Variants in ERCC6L observed in about 807,000 individuals in gnomAD.
ERCC6L encodes the protein ERCC excision repair 6 like, spindle assembly checkpoint helicase, also known as DNA excision repair protein ERCC-6-like.
In ERCC6L, 7 loss-of-function variants were observed where a neutral mutation model predicts 20.1. The ratio of observed to expected loss-of-function variants is 0.35; its 90% CI spans 0.20 to 0.65. ERCC6L has a LOEUF of 0.65. Among genes scored for constraint, ERCC6L ranks in the 30% least tolerant of loss-of-function variants. ERCC6L has a pLI of 0.69. For missense variants in ERCC6L, 592 were observed against 892.4 expected (o/e 0.66, Z 4.29); for synonymous variants, 278 against 331.3 (o/e 0.84, Z 1.75).
chrX:72,222,866 G>A (rs904620278), intron 1 of ERCC6L, among the ~76,000 whole-genome samples: 5 of 106,833 alleles, frequency 4.7e-5, no homozygotes, highest in Non-Finnish European at 1.9e-5. Context: ...AAAGTGCTGG[G>A]ATTACAGGCA....
At chrX:72,234,300 TG>T (rs2043004189) in intron 1 of ERCC6L, among the ~76,000 whole-genome samples, 1 of 111,799 alleles carries the variant, frequency 8.9e-6, no homozygotes, top group Non-Finnish European at 1.9e-5. Flanking sequence ...ATGAATCATG[TG>T]TTTCATGGAG....
chrX:72,227,285 TTACTCAACAC>T (rs2147600282), intron 1 of ERCC6L, among the ~76,000 whole-genome samples: 1 of 111,704 alleles, frequency 9.0e-6, no homozygotes, highest in East Asian at 2.8e-4. Context: ...ATCTCTCAAA[TTACTCAACAC>T]TTGCACCAGC....
intron 1 of ERCC6L, among the ~76,000 whole-genome samples, chrX:72,220,949 G>A (rs1191188821): frequency 8.9e-6 from 1 of 111,840 alleles, no homozygotes; most frequent in Non-Finnish European, 1.9e-5. Flanking sequence ...GAAGCAGTGG[G>A]CAACGGCAGC....
At chrX:72,222,388 T>C (rs67223852) in intron 1 of ERCC6L, among the ~76,000 whole-genome samples, 32,733 of 110,051 alleles carry the variant, frequency 0.3, 3,992 homozygotes, top group East Asian at 0.5. Flanking sequence ...ATGAACTCCA[T>C]AACCAAGCCC....
chrX:72,234,072 T>C (rs1421373318), intron 1 of ERCC6L, among the ~76,000 whole-genome samples: 1 of 109,031 alleles, frequency 9.2e-6, no homozygotes, highest in Non-Finnish European at 1.9e-5. Flanking sequence ...ATTGCGCCAC[T>C]GCACTCCAGC....
Position 72,207,408 on chromosome X carries a change from G to A in ERCC6L, c.1359C>T (p.Asp453=). ...DVDHIDQVTD[D]TLMEESGKMI... is the part of the protein sequence containing the mutation. ...TTTTTCCAGATTCTTCCATCAATGT[G>A]TCATCAGTTACTTGATCAATATGGT... Residue 453 remains aspartate, a synonymous_variant, in exon 2 of 2, where the codon GAC becomes GAT. Transcript: ENST00000334463. 1 of 1,210,939 alleles carries A rather than the reference G, an allele frequency of 8.3e-7. No homozygotes were observed. Among genetic ancestry groups the A allele is most frequent in the Non-Finnish European group, 1.1e-6 (1 of 895,122 alleles).
Position 72,206,711 on chromosome X carries a change from CTTT to C in ERCC6L, c.2053_2055del (p.Lys685del), listed in dbSNP as rs772680534. Reference sequence around the variant, plus strand: ...GATTCTTCTACCACATCAAGCTCTTCTTTAACAGACAGATCACATGTGTACATC... The same window carrying C: ...GATTCTTCTACCACATCAAGCTCTTCAACAGACAGATCACATGTGTACATC... On this transcript the variant is annotated inframe_deletion, in exon 2 of 2. Transcript: ENST00000334463. The C allele has an allele frequency of 4.1e-6, 5 of 1,211,491 alleles. No individual in the cohort carries two copies. The highest frequency in any genetic ancestry group is 5.6e-6 in the Non-Finnish European group (5 of 895,476).
chrX:72,210,191 C>G (rs1365080663), intron 1 of ERCC6L, among the ~76,000 whole-genome samples: 1 of 42,253 alleles, frequency 2.4e-5, no homozygotes, highest in Non-Finnish European at 3.4e-5. Flanking sequence ...CATAGCGAGA[C>G]TGTCTCTTAA....
chrX:72,204,975 T>C lies in ERCC6L; in HGVS notation c.*39A>G, dbSNP rs1376433779. The C allele has an allele frequency of 6.5e-6, 7 of 1,082,033 alleles. No individual in the cohort carries two copies. Among genetic ancestry groups the C allele is most frequent in the South Asian group, 2.3e-5 (1 of 43,767 alleles). 89.2% of individuals were successfully genotyped at this position (1,082,033 alleles called of 1,213,427 possible). On this transcript the variant is annotated 3_prime_UTR_variant, in exon 2 of 2. Transcript: ENST00000334463. ...TTATGGGAACAAAAATTCCCTCATATTCAGTTTCACTTTAAAATACAATAA... is the reference window on the plus strand; with the variant it reads ...TTATGGGAACAAAAATTCCCTCATACTCAGTTTCACTTTAAAATACAATAA...
chrX:72,226,517 G>A (rs763229702), intron 1 of ERCC6L, among the ~76,000 whole-genome samples: 14 of 112,113 alleles, frequency 1.2e-4, no homozygotes, highest in South Asian at 3.7e-4. Flanking sequence ...AATTTGGAGC[G>A]AGCGGGGCTA....
intron 1 of ERCC6L, among the ~76,000 whole-genome samples, chrX:72,221,308 G>C (rs905167413): frequency 1.8e-5 from 2 of 111,852 alleles, no homozygotes; most frequent in South Asian, 7.5e-4. Flanking sequence ...GCTTTCTCAC[G>C]GTACCAGGAA....
chrX:72,204,959 CAAA>C lies in ERCC6L; in HGVS notation c.*52_*54del, dbSNP rs2042807241. Reference sequence around the variant, plus strand: ...TTCCCAAAGAATCCAATTATGGGAACAAAAATTCCCTCATATTCAGTTTCACTT... The same window carrying C: ...TTCCCAAAGAATCCAATTATGGGAACAATTCCCTCATATTCAGTTTCACTT... On this transcript the variant is annotated 3_prime_UTR_variant, in exon 2 of 2. Transcript: ENST00000334463. The C allele has an allele frequency of 1.9e-6, 2 of 1,028,755 alleles. No homozygotes were observed. The highest frequency in any genetic ancestry group is 3.1e-5 in the Admixed American group (1 of 31,953). 84.8% of individuals were successfully genotyped at this position (1,028,755 alleles called of 1,213,427 possible). A position where few individuals can be genotyped will look rare whatever the true frequency, so the allele number is the denominator to read the frequency against.
chrX:72,233,943 C>T lies in ERCC6L; in HGVS notation c.68+4901G>A, dbSNP rs780274867. ...CAGCCTGGCCAACATGGTGAAACCC[C>T]ATACTAAAAATACAATAATTAGCCT... On this transcript the variant is annotated intron_variant, in intron 1 of 1. Coordinates refer to ENST00000334463, the MANE Select transcript of ERCC6L (RefSeq NM_017669.4). Among the ~76,000 whole-genome samples the T allele has an allele frequency of 3.7e-5, 4 of 107,942 alleles. No individual in the cohort carries two copies. The South Asian group carries it at 1.7e-3, about 45-fold the overall frequency. The allele number at this position is 107,942 out of a possible 115,157, so 93.7% of individuals were successfully genotyped here. A position where few individuals can be genotyped will look rare whatever the true frequency, so the allele number is the denominator to read the frequency against.
intron 1 of ERCC6L, among the ~76,000 whole-genome samples, chrX:72,214,111 G>A (rs1266402305): frequency 1.8e-5 from 2 of 112,103 alleles, no homozygotes; most frequent in African/African-American, 6.5e-5. Flanking sequence ...TGCCAGTATT[G>A]AAAACAGGTC....
At chrX:72,236,827 C>T (rs996667628) in intron 1 of ERCC6L, among the ~76,000 whole-genome samples, 1 of 112,091 alleles carries the variant, frequency 8.9e-6, no homozygotes, top group African/African-American at 3.2e-5. Flanking sequence ...AAGTCAGTTT[C>T]CAAGAACCTA....
rs1341401582 is a variant in ERCC6L at position 72,207,444 on chromosome X, G to A, written c.1323C>T (p.Ser441=). The A allele has an allele frequency of 8.3e-7, 1 of 1,208,690 alleles. No homozygotes were observed. The highest frequency in any genetic ancestry group is 1.1e-6 in the Non-Finnish European group (1 of 894,851). The change falls in exon 2 of 2, where the codon TCC becomes TCT. Residue 441 remains serine (S), a synonymous_variant. Transcript: ENST00000334463. ...SAQDGNEGED[S]PDVDHIDQVT... is the part of the protein sequence containing the mutation. The stretch of plus-strand genomic sequence containing the variant: ...CTTGATCAATATGGTCCACATCTGG[G>A]GAATCTTCCCCCTCATTTCCATCTT...
At chrX:72,237,086 C>T (rs929479829) in intron 1 of ERCC6L, among the ~76,000 whole-genome samples, 4 of 112,472 alleles carry the variant, frequency 3.6e-5, no homozygotes, top group Admixed American at 9.5e-5. Context: ...TTTAAATACA[C>T]ATTCCCTAAG....
intron 1 of ERCC6L, among the ~76,000 whole-genome samples, chrX:72,225,125 C>T (rs1219049180): frequency 8.9e-6 from 1 of 111,753 alleles, no homozygotes; most frequent in East Asian, 2.8e-4. Context: ...AAATTCCTCC[C>T]AACACTAGCC....
rs200615272 is a variant in ERCC6L at position 72,218,495 on chromosome X, C to CTT, written c.69-9799_69-9798dup. Among the ~76,000 whole-genome samples, 502 of 97,118 alleles carry CTT rather than the reference C, an allele frequency of 5.2e-3. 5 individuals carry two copies. The highest frequency in any genetic ancestry group is 0.018 in the African/African-American group (480 of 26,641). The allele number at this position is 97,118 out of a possible 115,157, so 84.3% of individuals were successfully genotyped here. A position where few individuals can be genotyped will look rare whatever the true frequency, so the allele number is the denominator to read the frequency against. On this transcript the variant is annotated intron_variant, in intron 1 of 1. Coordinates refer to ENST00000334463, the MANE Select transcript of ERCC6L (RefSeq NM_017669.4). Reference sequence around the variant, plus strand: ...TATAATAGTTTGTCAATTTCTTTCTCTTTTTTTTTTTTTTGGAAACAAGAG... The same window carrying CTT: ...TATAATAGTTTGTCAATTTCTTTCTCTTTTTTTTTTTTTTTTGGAAACAAGAG...
Sources: allele counts gnomAD v4.1 joint callset (sites outside exome capture counted in the v4.1 genomes callset), GRCh38; gene constraint gnomAD v4.1.1; transcripts MANE v1.5; gene names NCBI Gene and HGNC (gene_info 2026-07-23, HGNC 2026-07-21).